Variants in ZNF608 observed in about 807,000 individuals in gnomAD.
The protein encoded by ZNF608 is zinc finger protein 608.
Under a neutral mutation model 109.0 loss-of-function variants are expected in ZNF608, and 12 were observed. The observed-to-expected ratio is 0.11, with a 90% CI of 0.07 to 0.18. ZNF608 has a LOEUF of 0.18. Among genes scored for constraint, ZNF608 ranks in the 10% least tolerant of loss-of-function variants. The pLI, the probability that ZNF608 is intolerant of heterozygous loss-of-function variation, is 1.00. For synonymous variants in ZNF608, 732 were observed against 717.4 expected (o/e 1.02, Z -0.33); for missense variants, 1,707 against 1,879.3 (o/e 0.91, Z 1.70).
At position 124,644,658 on chromosome 5, in the gene ZNF608, G is replaced by T; in HGVS notation, c.3709C>A (p.Pro1237Thr). Reference protein sequence around the residue: ...VDPTSRFKQDPDSRTWHHYVY... With the variant: ...VDPTSRFKQDTDSRTWHHYVY... ...TAATGATGCCATGTTCTTGAATCTG[G>T]GTCCTGATTTTTTTGTTTTAAAGAA... The change falls in exon 6 of 10, where the codon CCA (proline) becomes ACA (threonine). Residue 1237 changes from proline (P) to threonine (T), a missense_variant. Physicochemically the swap from Pro to Thr is conservative, Grantham distance 38. Around this residue, in one of 7 missense-constraint regions of ZNF608, gnomAD observed 1,073 missense variants for 1,133.5 expected, o/e 0.95. Transcript: ENST00000513986. 1 of 1,526,978 alleles carries T rather than the reference G, an allele frequency of 6.5e-7. No individual in the cohort carries two copies. Among genetic ancestry groups the T allele is most frequent in the South Asian group, 1.3e-5 (1 of 76,134 alleles). The allele number at this position is 1,526,978 out of a possible 1,614,324, so 94.6% of individuals were successfully genotyped here.
chr5:124,741,708 A>G (rs888157725), intron 2 of ZNF608, among the ~76,000 whole-genome samples: 4 of 152,124 alleles, frequency 2.6e-5, no homozygotes, highest in Non-Finnish European at 5.9e-5. Flanking sequence ...ATTTGATGCA[A>G]CCACTAGTTA....
At chr5:124,715,942 G>C (rs1055485451) in intron 2 of ZNF608, among the ~76,000 whole-genome samples, 2 of 152,040 alleles carry the variant, frequency 1.3e-5, no homozygotes, top group Non-Finnish European at 2.9e-5. Flanking sequence ...AGGAGATGGA[G>C]ACCATCCTGG....
rs780855386 is a variant in ZNF608, at chr5:124,744,449, C to T, written c.541G>A (p.Ala181Thr). The T allele has an allele frequency of 6.2e-7, 1 of 1,614,234 alleles. No homozygotes were observed. The highest frequency in any genetic ancestry group is 8.5e-7 in the Non-Finnish European group (1 of 1,180,048). The change falls in exon 2 of 10, where the codon GCA becomes ACA. Residue 181 changes from alanine to threonine, a missense_variant. By Grantham distance (58) the Ala-to-Thr change is moderately conservative (BLOSUM62 0). Transcript: ENST00000513986. The surrounding 1 kb of genome is among the most constrained non-coding windows in gnomAD (Gnocchi z 4.5). ...STSTSAATAG[A>T]GSCGKSKEEK... ...TCTTTGCTTTTCCCACAGGAGCCTG[C>T]CCCCGCGGTGGCGGCAGAGGTGCTG...
chr5:124,700,977 G>C (rs762194115), intron 3 of ZNF608, 37 bp downstream of exon 3: 1 of 1,607,936 alleles, frequency 6.2e-7, no homozygotes, highest in Non-Finnish European at 8.5e-7. Flanking sequence ...ATGGGGAAGA[G>C]GGCATCGGGA....
intron 9 of ZNF608, 139 bp downstream of exon 9, chr5:124,638,994 T>C (rs187284825): frequency 6.0e-5 from 53 of 882,250 alleles, no homozygotes; most frequent in East Asian, 5.4e-4. Context: ...GCAACTTATA[T>C]TGGCATAATA....
In ZNF608 at chr5:124,728,681, T is replaced by C. The variant is rs560463482; in HGVS notation, c.906+15403A>G. 8.5e-4 allele frequency among the ~76,000 whole-genome samples: 130 copies of C among 152,296 alleles called. 1 individual carries two copies. The highest frequency in any genetic ancestry group is 3.0e-3 in the African/African-American group (126 of 41,550). On this transcript the variant is annotated intron_variant, in intron 2 of 9. Coordinates refer to ENST00000513986, the MANE Select transcript of ZNF608 (RefSeq NM_020747.3). Reference sequence around the variant, plus strand: ...GCAATTGATATATGATAAATACATATACATTTAGCTCATTCTCTATAGTTC... The same window carrying C: ...GCAATTGATATATGATAAATACATACACATTTAGCTCATTCTCTATAGTTC...
chr5:124,652,220 TTCTGGAAGCCACACAAGCAGACC>T (rs1049173292), intron 3 of ZNF608, among the ~76,000 whole-genome samples: 1 of 152,228 alleles, frequency 6.6e-6, no homozygotes, highest in Non-Finnish European at 1.5e-5. Context: ...CTGCTGCTCT[TTCTGGAAGCCACACAAGCAGACC>T]TCTTATCGAA....
intron 2 of ZNF608, 65 bp from the exon 3 acceptor site, chr5:124,701,334 C>T (rs1256931919): frequency 2.5e-5 from 40 of 1,571,360 alleles, no homozygotes; most frequent in East Asian, 1.1e-4. Context: ...ATGCAATTTG[C>T]TTATATCACT....
chr5:124,652,503 G>A (rs1750835210), intron 3 of ZNF608, among the ~76,000 whole-genome samples: 1 of 152,184 alleles, frequency 6.6e-6, no homozygotes, highest in South Asian at 2.1e-4. Flanking sequence ...CAATGCCACA[G>A]AGTGTTTAAA....
chr5:124,639,493 C>T (rs1418880597), intron 8 of ZNF608, among the ~76,000 whole-genome samples: 1 of 152,176 alleles, frequency 6.6e-6, no homozygotes, highest in Non-Finnish European at 1.5e-5. Flanking sequence ...GCATGCATTC[C>T]CTGAATAGGA....
chr5:124,654,134 A>C (rs34923711), intron 3 of ZNF608, among the ~76,000 whole-genome samples: 58,787 of 151,790 alleles, frequency 0.39, 11,591 homozygotes, highest in Middle Eastern at 0.48. Context: ...CCTTTCATCC[A>C]GGCAAGGATA....
intron 2 of ZNF608, among the ~76,000 whole-genome samples, chr5:124,712,756 C>G (rs1270584660): frequency 6.6e-6 from 1 of 152,112 alleles, no homozygotes; most frequent in African/African-American, 2.4e-5. Context: ...CCTGTAGATT[C>G]CTAATAATTC....
chr5:124,748,582 G>A (rs2149913842), upstream of ZNF608: 1 of 985,290 alleles, frequency 1.0e-6, no homozygotes, highest in Non-Finnish European at 1.2e-6. Context: ...CATTGAATGT[G>A]TTTGGTTGCA....
chr5:124,663,487 A>G (rs907520449), intron 3 of ZNF608, among the ~76,000 whole-genome samples: 1 of 152,210 alleles, frequency 6.6e-6, no homozygotes, highest in Non-Finnish European at 1.5e-5. Context: ...GAATGCTTCA[A>G]GTGAGAAAGC....
At chr5:124,717,256 G>A (rs986829894) in intron 2 of ZNF608, among the ~76,000 whole-genome samples, 8 of 152,058 alleles carry the variant, frequency 5.3e-5, no homozygotes, top group African/African-American at 1.9e-4. Context: ...ACCTGAGGTC[G>A]GGAGTTCGAG....
At chr5:124,665,069 GGAGGCT>G (rs2149807242) in intron 3 of ZNF608, among the ~76,000 whole-genome samples, 1 of 152,202 alleles carries the variant, frequency 6.6e-6, no homozygotes, top group East Asian at 1.9e-4. Context: ...CAGCTACTCA[GGAGGCT>G]GAGGTAGGGA....
At chr5:124,662,936 CT>C (rs1751331526) in intron 3 of ZNF608, among the ~76,000 whole-genome samples, 1 of 152,188 alleles carries the variant, frequency 6.6e-6, no homozygotes, top group African/African-American at 2.4e-5. Flanking sequence ...AATGCTAACA[CT>C]TGGGGGTTGC....
chr5:124,684,419 G>C (rs1011761167), intron 3 of ZNF608, among the ~76,000 whole-genome samples: 6 of 152,160 alleles, frequency 3.9e-5, no homozygotes, highest in African/African-American at 1.4e-4. Flanking sequence ...TTGCAGCCCT[G>C]TTCTCTTGAC....
upstream of ZNF608, chr5:124,746,943 G>A (rs1367645608): frequency 2.9e-5 from 4 of 136,208 alleles, no homozygotes; most frequent in African/African-American, 5.3e-5. Flanking sequence ...CGCTCGGGGC[G>A]GGGGGCGGGG....
Sources: gnomAD v4.1 joint callset for allele counts (sites outside exome capture counted in the v4.1 genomes callset) on GRCh38, gnomAD v4.1.1 for gene constraint, gnomAD v4.1.1 regional missense constraint, Gnocchi (gnomAD v3.1) non-coding constraint, MANE v1.5 for transcripts, NCBI Gene and HGNC (gene_info 2026-07-23, HGNC 2026-07-21) for gene names.